PLXDC2: variants seen among roughly 807,000 people sequenced by gnomAD.
PLXDC2 encodes plexin domain containing 2.
PLXDC2 carries 40 observed loss-of-function variants against 68.9 expected under a neutral mutation model. The ratio of observed to expected loss-of-function variants is 0.58; its 90% CI spans 0.45 to 0.76. The LOEUF is 0.76. Among genes scored for constraint, PLXDC2 ranks in the 30% least tolerant of loss-of-function variants. PLXDC2 has a pLI of 0.00. For missense variants in PLXDC2, 644 were observed against 661.9 expected (o/e 0.97, Z 0.30); for synonymous variants, 243 against 234.2 (o/e 1.04, Z -0.34).
At chr10:20,261,011 C>CA (rs1835802811) in intron 13 of PLXDC2, among the ~76,000 whole-genome samples, 1 of 152,094 alleles carries the variant, frequency 6.6e-6, no homozygotes, top group African/African-American at 2.4e-5. Context: ...ATGAAATTTT[C>CA]AAGTCCTTTC....
intron 3 of PLXDC2, among the ~76,000 whole-genome samples, chr10:20,062,178 C>A (rs1020826787): frequency 6.6e-6 from 1 of 152,210 alleles, no homozygotes; most frequent in Non-Finnish European, 1.5e-5. Context: ...GTAATCCCAG[C>A]ACTTTGGGAG....
At chr10:20,102,786 AT>A (rs1330950493) in intron 4 of PLXDC2, among the ~76,000 whole-genome samples, 1 of 152,176 alleles carries the variant, frequency 6.6e-6, no homozygotes, top group Admixed American at 6.5e-5. Flanking sequence ...TTTGAGTATA[AT>A]GTCTAGAGGA....
At chr10:19,856,539 G>T (rs763943280) in intron 1 of PLXDC2, among the ~76,000 whole-genome samples, 1 of 152,136 alleles carries the variant, frequency 6.6e-6, no homozygotes, top group Non-Finnish European at 1.5e-5. Flanking sequence ...AAAAGTTCAC[G>T]TTGAGTTTGA....
At chr10:19,868,833 C>A (rs1837470972) in intron 1 of PLXDC2, among the ~76,000 whole-genome samples, 1 of 152,118 alleles carries the variant, frequency 6.6e-6, no homozygotes, top group Non-Finnish European at 1.5e-5. Context: ...ATAGAAATTA[C>A]CAAGATGAAG....
intron 1 of PLXDC2, among the ~76,000 whole-genome samples, chr10:19,950,082 A>G (rs1320873139): frequency 3.3e-5 from 5 of 152,198 alleles, no homozygotes; most frequent in Non-Finnish European, 5.9e-5. Context: ...AAAAGCTGGA[A>G]GCATTCCCCT....
chr10:19,868,104 A>G (rs1837456615), intron 1 of PLXDC2, among the ~76,000 whole-genome samples: 1 of 152,158 alleles, frequency 6.6e-6, no homozygotes. Context: ...TTTGAATTGA[A>G]TTGAAAAAGC....
At chr10:19,916,797 A>G (rs1833375798) in intron 1 of PLXDC2, among the ~76,000 whole-genome samples, 1 of 152,162 alleles carries the variant, frequency 6.6e-6, no homozygotes, top group Admixed American at 6.5e-5. Context: ...AAACTGGAGT[A>G]ATCGTCATAG....
chr10:19,851,977 T>G (rs992982761), intron 1 of PLXDC2, among the ~76,000 whole-genome samples: 2 of 152,126 alleles, frequency 1.3e-5, no homozygotes, highest in African/African-American at 4.8e-5. Flanking sequence ...TAAGAGAAAA[T>G]ACTGGATCAG....
At position 20,126,440 on chromosome 10, in the gene PLXDC2, A is replaced by C. The variant is rs1428421710; in HGVS notation, c.542-16855A>C. On this transcript the variant is annotated intron_variant, in intron 4 of 13. Transcript: ENST00000377252. ...CACGTTATATATGTATATACAACAC[A>C]CGTTATATATGTATATACAACACAC... 1.4e-5 allele frequency among the ~76,000 whole-genome samples: 2 copies of C among 138,940 alleles called. 1 individual carries two copies. Among genetic ancestry groups the C allele is most frequent in the African/African-American group, 5.2e-5 (2 of 38,606 alleles). The allele number at this position is 138,940 out of a possible 152,430, so 91.2% of individuals were successfully genotyped here.
At chr10:20,005,468 A>G (rs1331572043) in intron 2 of PLXDC2, among the ~76,000 whole-genome samples, 8 of 152,126 alleles carry the variant, frequency 5.3e-5, no homozygotes, top group Non-Finnish European at 1.2e-4. Flanking sequence ...GTACTAGGCC[A>G]TTTTTGCCTT....
chr10:19,821,379 G>T (rs1239094701), intron 1 of PLXDC2, among the ~76,000 whole-genome samples: 4 of 152,172 alleles, frequency 2.6e-5, no homozygotes, highest in African/African-American at 9.7e-5. Flanking sequence ...TATCTCAAGT[G>T]ACACTCTCCA....
chr10:20,034,625 T>C (rs1367748315), intron 2 of PLXDC2, among the ~76,000 whole-genome samples: 1 of 152,260 alleles, frequency 6.6e-6, no homozygotes, highest in Non-Finnish European at 1.5e-5. Context: ...GGAGAATTCA[T>C]GCTTCTATTA....
chr10:20,130,235 A>G (rs1202621845), intron 4 of PLXDC2, among the ~76,000 whole-genome samples: 2 of 152,048 alleles, frequency 1.3e-5, no homozygotes, highest in Non-Finnish European at 2.9e-5. Context: ...CTCTTTGGAT[A>G]AAATTATTTC....
intron 4 of PLXDC2, among the ~76,000 whole-genome samples, chr10:20,082,985 G>A (rs1836597514): frequency 6.8e-6 from 1 of 147,222 alleles, no homozygotes; most frequent in African/African-American, 2.7e-5. Flanking sequence ...ACAGACAGAT[G>A]TATTTATACA....
At position 20,126,364 on chromosome 10, in the gene PLXDC2, A is replaced by G. The variant is rs139130519; in HGVS notation, c.542-16931A>G. ...TAATACATATATACATATGTGTTATATAATACATATATACATATGTGTTAT... is the reference window on the plus strand; with the variant it reads ...TAATACATATATACATATGTGTTATGTAATACATATATACATATGTGTTAT... On this transcript the variant is annotated intron_variant, in intron 4 of 13. Coordinates refer to ENST00000377252, the MANE Select transcript of PLXDC2 (RefSeq NM_032812.9). Among the ~76,000 whole-genome samples, 12 of 146,202 alleles carry G rather than the reference A, an allele frequency of 8.2e-5. No individual in the cohort carries two copies. The East Asian group carries it at 1.3e-3, about 16-fold the overall frequency.
At position 20,268,175 on chromosome 10, in the gene PLXDC2, G is replaced by A. The variant is rs547778077; in HGVS notation, c.1474-11528G>A. Among the ~76,000 whole-genome samples the A allele has an allele frequency of 9.9e-5, 15 of 152,066 alleles. No homozygotes were observed. In the East Asian group the frequency reaches 2.9e-3, roughly 29 times the overall value. On this transcript the variant is annotated intron_variant, in intron 13 of 13. Transcript: ENST00000377252. ...TTTCCTGCTACACTAATACTTTATT[G>A]TTCCTTTTTTCAGGGTCATAATTAT...
At chr10:20,041,587 A>G (rs1262916433) in intron 2 of PLXDC2, among the ~76,000 whole-genome samples, 2 of 152,294 alleles carry the variant, frequency 1.3e-5, no homozygotes, top group East Asian at 3.9e-4. Flanking sequence ...TATATCTTTA[A>G]TTGTTTTCTA....
intron 1 of PLXDC2, among the ~76,000 whole-genome samples, chr10:19,819,515 A>G (rs1836425247): frequency 6.6e-6 from 1 of 152,268 alleles, no homozygotes; most frequent in African/African-American, 2.4e-5. Context: ...GACGTTTGTC[A>G]TGCAACAATC....
At chr10:19,828,185 T>C (rs1202453807) in intron 1 of PLXDC2, among the ~76,000 whole-genome samples, 2 of 152,208 alleles carry the variant, frequency 1.3e-5, no homozygotes, top group African/African-American at 4.8e-5. Flanking sequence ...ATCAAGACTT[T>C]GTCTTAAGTT....
Sources: gnomAD v4.1 joint callset for allele counts (sites outside exome capture counted in the v4.1 genomes callset) on GRCh38, gnomAD v4.1.1 for gene constraint, MANE v1.5 for transcripts, NCBI Gene and HGNC (gene_info 2026-07-23, HGNC 2026-07-21) for gene names.